Variants in TTC29 observed in about 807,000 individuals in gnomAD.
The protein encoded by TTC29 is tetratricopeptide repeat domain 29.
In TTC29, 49 loss-of-function variants were observed where a neutral mutation model predicts 58.1. The ratio of observed to expected loss-of-function variants is 0.84; its 90% CI spans 0.67 to 1.07. TTC29 has a LOEUF of 1.07. Among genes scored for constraint, TTC29 ranks in the 50% least tolerant of loss-of-function variants. The probability of loss-of-function intolerance (pLI) is 0.00; values close to 1 mark genes in which losing one functional copy is unlikely to be tolerated. For missense variants in TTC29, 582 were observed against 555.6 expected (o/e 1.05, Z -0.48); for synonymous variants, 209 against 196.8 (o/e 1.06, Z -0.52).
intron 10 of TTC29, among the ~76,000 whole-genome samples, chr4:146,808,050 T>C (rs1750739960): frequency 6.6e-6 from 1 of 152,162 alleles, no homozygotes; most frequent in African/African-American, 2.4e-5. Context: ...CATGACCAAA[T>C]TGGCTTCATT....
intron 4 of TTC29, among the ~76,000 whole-genome samples, chr4:146,928,236 C>T (rs1358458569): frequency 6.6e-6 from 1 of 152,110 alleles, no homozygotes; most frequent in Non-Finnish European, 1.5e-5. Flanking sequence ...GAGTGTTAGA[C>T]CCAGACTGCC....
intron 11 of TTC29, chr4:146,763,782 T>C (rs557698900): frequency 6.6e-6 from 1 of 152,234 alleles, no homozygotes; most frequent in South Asian, 2.1e-4. Context: ...GTGGAAGTCA[T>C]ATACCGTGAC....
At chr4:146,838,616 C>T (rs1053260432) in intron 8 of TTC29, among the ~76,000 whole-genome samples, 2 of 151,924 alleles carry the variant, frequency 1.3e-5, no homozygotes, top group African/African-American at 4.8e-5. Context: ...TAGGAGGGTA[C>T]CTTGGACAGA....
chr4:146,939,345 C>T (rs1197890951), intron 3 of TTC29, among the ~76,000 whole-genome samples: 3 of 152,140 alleles, frequency 2.0e-5, no homozygotes, highest in African/African-American at 7.2e-5. Context: ...GTCCCAGCTA[C>T]TCAGGAGGCT....
intron 4 of TTC29, among the ~76,000 whole-genome samples, chr4:146,925,394 A>AT (rs1321349922): frequency 6.6e-6 from 1 of 152,138 alleles, no homozygotes; most frequent in African/African-American, 2.4e-5. Context: ...AAGCACAAAC[A>AT]TTTAGGCTTA....
intron 8 of TTC29, among the ~76,000 whole-genome samples, chr4:146,862,349 GA>G (rs1730290285): frequency 6.6e-6 from 1 of 151,774 alleles, no homozygotes; most frequent in African/African-American, 2.4e-5. Flanking sequence ...TTGTAAGCTA[GA>G]AGGAATGCCA....
At chr4:146,748,714 T>C (rs1745737996) in intron 11 of TTC29, among the ~76,000 whole-genome samples, 1 of 151,726 alleles carries the variant, frequency 6.6e-6, no homozygotes, top group Admixed American at 6.6e-5. Context: ...CCTGCCCAAC[T>C]GGCATTGTCT....
intron 4 of TTC29, among the ~76,000 whole-genome samples, chr4:146,932,270 C>A (rs1429623244): frequency 6.6e-6 from 1 of 152,186 alleles, no homozygotes; most frequent in Non-Finnish European, 1.5e-5. Context: ...GTTCTTCCTT[C>A]TCCTGCCCAC....
chr4:146,739,781 C>T (rs1744990328), intron 11 of TTC29, among the ~76,000 whole-genome samples: 1 of 152,088 alleles, frequency 6.6e-6, no homozygotes, highest in African/African-American at 2.4e-5. Context: ...TATCTTATTC[C>T]CTATTGTATA....
chr4:146,727,458 T>C (rs1743881568), intron 11 of TTC29, among the ~76,000 whole-genome samples: 1 of 152,180 alleles, frequency 6.6e-6, no homozygotes. Context: ...TACAGAATCA[T>C]AAAATAGTTT....
chr4:146,861,041 T>G (rs761240975), intron 8 of TTC29, among the ~76,000 whole-genome samples: 7 of 152,166 alleles, frequency 4.6e-5, no homozygotes, highest in Non-Finnish European at 1.0e-4. Flanking sequence ...TTAAGTTAAA[T>G]TATTGCAAAA....
At chr4:146,858,581 A>C (rs968717802) in intron 8 of TTC29, among the ~76,000 whole-genome samples, 5 of 152,196 alleles carry the variant, frequency 3.3e-5, no homozygotes, top group Non-Finnish European at 5.9e-5. Flanking sequence ...GAAGCCCGAC[A>C]TTGTGATTTC....
At chr4:146,944,427 G>T (rs895733753) in intron 2 of TTC29, 1 of 152,150 alleles carries the variant, frequency 6.6e-6, no homozygotes, top group African/African-American at 2.4e-5. Flanking sequence ...TGTGTCCCAT[G>T]GTGTGAGCTT....
Position 146,707,472 on chromosome 4 carries a change from T to A in TTC29, c.1397+13A>T. On this transcript the variant is annotated intron_variant, in intron 12 of 12. Coordinates refer to ENST00000325106, the MANE Select transcript of TTC29 (RefSeq NM_031956.4). ...GGGTACTTAATAGAAACTTTTTACT[T>A]GATTTATCATACCTACTGAGTTCTT... is the stretch of plus-strand genomic sequence containing the variant. The A allele has an allele frequency of 6.2e-7, 1 of 1,602,178 alleles. No individual in the cohort carries two copies.
intron 11 of TTC29, among the ~76,000 whole-genome samples, chr4:146,709,368 A>T (rs1742320168): frequency 6.6e-6 from 1 of 152,092 alleles, no homozygotes; most frequent in Admixed American, 6.6e-5. Context: ...CTTCTACTTC[A>T]TTGGAACCTC....
intron 8 of TTC29, among the ~76,000 whole-genome samples, chr4:146,856,296 C>A (rs1003143130): frequency 1.3e-5 from 2 of 151,940 alleles, no homozygotes; most frequent in African/African-American, 4.8e-5. Context: ...GCTACTGTAG[C>A]AGTACTTTTT....
chr4:146,844,620 A>G (rs1180403756), intron 8 of TTC29, among the ~76,000 whole-genome samples: 2 of 152,004 alleles, frequency 1.3e-5, no homozygotes, highest in Non-Finnish European at 2.9e-5. Context: ...GGCTCATGCA[A>G]TCCACCCGCC....
At chr4:146,939,525 A>C (rs1327534718) in intron 3 of TTC29, among the ~76,000 whole-genome samples, 1 of 152,240 alleles carries the variant, frequency 6.6e-6, no homozygotes. Context: ...CATTTAAAAC[A>C]GGAAACTTAT....
chr4:146,803,286 G>A (rs1266473926), intron 11 of TTC29, among the ~76,000 whole-genome samples, 171 bp downstream of exon 11: 1 of 151,874 alleles, frequency 6.6e-6, no homozygotes, highest in Non-Finnish European at 1.5e-5. Context: ...AACATCAAAG[G>A]TATAATTTAG....
Sources: allele counts gnomAD v4.1 joint callset (sites outside exome capture counted in the v4.1 genomes callset), GRCh38; gene constraint gnomAD v4.1.1; transcripts MANE v1.5; gene names NCBI Gene and HGNC (gene_info 2026-07-23, HGNC 2026-07-21).